KCNMB2: variants seen among roughly 807,000 people sequenced by gnomAD.
KCNMB2 encodes potassium calcium-activated channel subfamily M regulatory beta subunit 2, also known as calcium-activated potassium channel subunit beta-2.
In KCNMB2, 9 loss-of-function variants were observed where a neutral mutation model predicts 24.5. The ratio of observed to expected loss-of-function variants is 0.37; its 90% CI spans 0.22 to 0.64. KCNMB2 has a LOEUF of 0.64. Among genes scored for constraint, KCNMB2 ranks in the 30% least tolerant of loss-of-function variants. The pLI is 0.63. For missense variants in KCNMB2, 226 were observed against 284.3 expected (o/e 0.79, Z 1.47); for synonymous variants, 109 against 104.4 (o/e 1.04, Z -0.27).
chr3:178,714,954 T>TA (rs1722571603), intron 1 of KCNMB2, among the ~76,000 whole-genome samples: 1 of 152,208 alleles, frequency 6.6e-6, no homozygotes, highest in Middle Eastern at 3.2e-3. Flanking sequence ...CATTCCTGAA[T>TA]ATGAAATTCT....
At chr3:178,820,044 T>A (rs1012112450) in intron 2 of KCNMB2, among the ~76,000 whole-genome samples, 2 of 152,216 alleles carry the variant, frequency 1.3e-5, no homozygotes, top group African/African-American at 4.8e-5. Context: ...ATACACTTTA[T>A]GATTGAACAG....
rs111986937 is a variant in KCNMB2, at chr3:178,674,330, C to CAT, written c.-67-133000_-67-132999dup. ...CTACTCAGCATCTCCACTTAGATGT[C>CAT]ATATATATATATATCTTTAGCTTAG... is the stretch of plus-strand genomic sequence containing the variant. On this transcript the variant is annotated intron_variant, in intron 1 of 4. Transcript: ENST00000452583. Among the ~76,000 whole-genome samples, 440 of 151,554 alleles carry CAT rather than the reference C, an allele frequency of 2.9e-3. 2 individuals carry two copies. Among genetic ancestry groups the CAT allele is most frequent in the South Asian group, 8.6e-3 (41 of 4,786 alleles).
intron 1 of KCNMB2, among the ~76,000 whole-genome samples, chr3:178,608,171 T>C (rs942231031): frequency 2.0e-5 from 3 of 152,178 alleles, no homozygotes; most frequent in African/African-American, 7.2e-5. Flanking sequence ...ACACTATGAA[T>C]GCTTTGGAGA....
intron 4 of KCNMB2, among the ~76,000 whole-genome samples, chr3:178,830,957 T>C (rs1224315725): frequency 6.6e-6 from 1 of 152,218 alleles, no homozygotes; most frequent in African/African-American, 2.4e-5. Flanking sequence ...TTCTGTTCAG[T>C]GCTTTTGCTG....
chr3:178,695,594 G>T (rs1721846859), intron 1 of KCNMB2, among the ~76,000 whole-genome samples: 1 of 151,984 alleles, frequency 6.6e-6, no homozygotes, highest in Non-Finnish European at 1.5e-5. Flanking sequence ...TAGGTCAGGG[G>T]TAAAAAATCC....
At chr3:178,636,458 A>G (rs1719526699) in intron 1 of KCNMB2, among the ~76,000 whole-genome samples, 1 of 152,136 alleles carries the variant, frequency 6.6e-6, no homozygotes, top group Admixed American at 6.5e-5. Flanking sequence ...AACTTAGATG[A>G]ATTATGTTTT....
intron 1 of KCNMB2, among the ~76,000 whole-genome samples, chr3:178,802,852 C>T (rs113575577): frequency 6.6e-6 from 1 of 152,154 alleles, no homozygotes; most frequent in Admixed American, 6.5e-5. Context: ...AACCACTTTT[C>T]CTCTATTGAG....
intron 1 of KCNMB2, among the ~76,000 whole-genome samples, chr3:178,652,337 G>T (rs577452835): frequency 2.6e-5 from 4 of 152,180 alleles, no homozygotes; most frequent in Non-Finnish European, 5.9e-5. Flanking sequence ...GGCTAGGGGA[G>T]GGATAGCATT....
At chr3:178,617,866 G>A (rs1236962573) in intron 1 of KCNMB2, among the ~76,000 whole-genome samples, 1 of 143,720 alleles carries the variant, frequency 7.0e-6, no homozygotes, top group Admixed American at 7.0e-5. Flanking sequence ...ACTCCAGCCT[G>A]GGTGACAGAG....
chr3:178,825,546 TTAAC>T (rs750109329), intron 2 of KCNMB2, 38 bp from the exon 3 acceptor site: 1 of 1,557,328 alleles, frequency 6.4e-7, no homozygotes, highest in East Asian at 2.3e-5. Flanking sequence ...GGCATGCTGA[TTAAC>T]TAAACTTAAT....
intron 1 of KCNMB2, among the ~76,000 whole-genome samples, chr3:178,772,495 G>A (rs1008197048): frequency 3.3e-5 from 5 of 152,158 alleles, no homozygotes; most frequent in African/African-American, 1.2e-4. Context: ...AAGCTCTCTT[G>A]TCTTGTCTGC....
chr3:178,598,042 A>C (rs907738343), intron 1 of KCNMB2, among the ~76,000 whole-genome samples: 7 of 149,234 alleles, frequency 4.7e-5, no homozygotes, highest in Admixed American at 1.3e-4. Flanking sequence ...TGCAGGACAA[A>C]AAAACAAAAC....
At chr3:178,836,617 G>A (rs1296277330) in intron 4 of KCNMB2, among the ~76,000 whole-genome samples, 1 of 152,078 alleles carries the variant, frequency 6.6e-6, no homozygotes, top group African/African-American at 2.4e-5. Flanking sequence ...TCAGAGGTTT[G>A]ATAGATTTAT....
At chr3:178,798,170 T>C (rs995515737) in intron 1 of KCNMB2, among the ~76,000 whole-genome samples, 2 of 152,150 alleles carry the variant, frequency 1.3e-5, no homozygotes, top group East Asian at 3.9e-4. Flanking sequence ...TTCCATACTA[T>C]GTTGAATAGG....
chr3:178,768,265 G>A (rs1466123121), intron 1 of KCNMB2, among the ~76,000 whole-genome samples: 3 of 151,998 alleles, frequency 2.0e-5, no homozygotes, highest in African/African-American at 7.2e-5. Flanking sequence ...TTTAGCTAAT[G>A]AGTTTCTGCC....
chr3:178,644,338 G>A (rs112766976), intron 1 of KCNMB2, among the ~76,000 whole-genome samples: 20 of 152,338 alleles, frequency 1.3e-4, no homozygotes, highest in African/African-American at 4.3e-4. Context: ...AGTGTTGTTG[G>A]AGAGGGCCAG....
intron 1 of KCNMB2, among the ~76,000 whole-genome samples, chr3:178,645,316 C>G (rs1325219108): frequency 1.3e-5 from 2 of 152,066 alleles, no homozygotes; most frequent in African/African-American, 4.8e-5. Flanking sequence ...TCCCAAAGTG[C>G]TAGGATTACA....
chr3:178,842,764 G>A lies in KCNMB2; in HGVS notation c.535G>A (p.Glu179Lys), dbSNP rs1370566950. 6.2e-7 allele frequency: 1 copy of A among 1,613,872 alleles called. No individual in the cohort carries two copies. Among genetic ancestry groups the A allele is most frequent in the East Asian group, 2.2e-5 (1 of 44,886 alleles). Residue 179 changes from glutamate to lysine, a missense_variant, in exon 5 of 5, where the codon GAA becomes AAA. Transcript: ENST00000452583. The stretch of plus-strand genomic sequence containing the variant: ...ACACTTCTCCTGCTATTCTGACCCA[G>A]AAGGAAACCAGAAGAGTGTTATCCT... The part of the protein sequence containing the change: ...YQHFSCYSDP[E>K]GNQKSVILTK...
chr3:178,645,390 T>A (rs946287383), intron 1 of KCNMB2, among the ~76,000 whole-genome samples: 4 of 152,136 alleles, frequency 2.6e-5, no homozygotes, highest in African/African-American at 2.4e-5. Flanking sequence ...TTGCCTTTTG[T>A]ACTTAGAATC....
Sources: allele counts gnomAD v4.1 joint callset (sites outside exome capture counted in the v4.1 genomes callset), GRCh38; gene constraint gnomAD v4.1.1; transcripts MANE v1.5; gene names NCBI Gene and HGNC (gene_info 2026-07-23, HGNC 2026-07-21).